The following LIMS2 variants were observed in gnomAD, a reference collection of about 807,000 sequenced individuals.
The protein encoded by LIMS2 is LIM zinc finger domain containing 2.
A neutral mutation model predicts 45.3 loss-of-function variants in LIMS2; 30 were observed. The observed-to-expected ratio is 0.66, with a 90% CI of 0.50 to 0.90. The LOEUF is 0.90. Among genes scored for constraint, LIMS2 ranks in the 40% least tolerant of loss-of-function variants. The probability of loss-of-function intolerance (pLI) is 0.00; values close to 1 mark genes in which losing one functional copy is unlikely to be tolerated. For missense variants in LIMS2, 485 were observed against 468.7 expected (o/e 1.03, Z -0.32); for synonymous variants, 173 against 188.0 (o/e 0.92, Z 0.65).
chr2:127,643,405 T>A, intron 4 of LIMS2: 1 of 475,746 alleles, frequency 2.1e-6, no homozygotes, highest in Non-Finnish European at 4.2e-6. Flanking sequence ...GAAAGCATTA[T>A]TTTCCCAATG....
At position 127,642,263 on chromosome 2, in the gene LIMS2, GC is replaced by G. The variant is rs1232347798; in HGVS notation, c.510-65del. 3 of 1,424,422 alleles carry G rather than the reference GC, an allele frequency of 2.1e-6. No homozygotes were observed. The highest frequency in any genetic ancestry group is 2.8e-6 in the Non-Finnish European group (3 of 1,083,084). 88.2% of individuals were successfully genotyped at this position (1,424,422 alleles called of 1,614,324 possible). ...CCTTCTGCAGGGTCATGCCAGCAGC[GC>G]CTCCACCCCAGGGCACGGCTCCCCG... On this transcript the variant is annotated intron_variant, in intron 5 of 9. Coordinates refer to ENST00000355119, the MANE Select transcript of LIMS2 (RefSeq NM_001161403.3). The surrounding 1 kb of genome is among the most constrained non-coding windows in gnomAD (Gnocchi z 5.3).
chr2:127,656,477 G>A (rs1181090548), intron 2 of LIMS2, among the ~76,000 whole-genome samples: 5 of 149,298 alleles, frequency 3.3e-5, no homozygotes, highest in East Asian at 2.0e-4. Flanking sequence ...GCAATGGCGC[G>A]ATCTCGGCTC....
chr2:127,680,672 A>C (rs1026595311), intron 1 of LIMS2, among the ~76,000 whole-genome samples: 2 of 152,188 alleles, frequency 1.3e-5, no homozygotes, highest in Non-Finnish European at 2.9e-5. Flanking sequence ...AGGGGAACAC[A>C]GTGCCCTTCT....
At chr2:127,669,061 C>G (rs1437134157) in intron 1 of LIMS2, among the ~76,000 whole-genome samples, 2 of 152,120 alleles carry the variant, frequency 1.3e-5, no homozygotes, top group Non-Finnish European at 2.9e-5. Flanking sequence ...CCACTGCACT[C>G]CAGCCTGGGT....
At chr2:127,663,010 C>G (rs941518721) in intron 1 of LIMS2, among the ~76,000 whole-genome samples, 38 of 152,318 alleles carry the variant, frequency 2.5e-4, no homozygotes, top group African/African-American at 8.7e-4. Context: ...TGACAAAGGA[C>G]ATGAACCAGA....
chr2:127,680,931 G>T (rs78257149), intron 1 of LIMS2, among the ~76,000 whole-genome samples: 18,289 of 152,218 alleles, frequency 0.12, 1,283 homozygotes, highest in South Asian at 0.25. Flanking sequence ...TGGGCGCAGA[G>T]CTCCTCACCT....
Position 127,643,053 on chromosome 2 carries a change from G to T in LIMS2, c.379C>A (p.His127Asn). The change falls in exon 5 of 10, where the codon CAC becomes AAC. Residue 127 changes from histidine (H) to asparagine (N), a missense_variant. Transcript: ENST00000355119. Reference protein sequence around the residue: ...NAGRHLCRPCHNREKAKGLGK... With the variant: ...NAGRHLCRPCNNREKAKGLGK... ...AGGCCCTTGGCCTTCTCACGGTTGT[G>T]GCAAGGCCGGCAGAGATGCCTGCGG... The T allele has an allele frequency of 1.3e-6, 2 of 1,582,534 alleles. No individual in the cohort carries two copies. The highest frequency in any genetic ancestry group is 1.7e-6 in the Non-Finnish European group (2 of 1,165,168).
chr2:127,639,197 G>A lies in LIMS2; in HGVS notation c.*84C>T, dbSNP rs1244451360. ...GGGAGGGTAAGATGCGGAGGGCACA[G>A]GTGGATGGGGACGAGGGGGCCAAGC... On this transcript the variant is annotated 3_prime_UTR_variant, in exon 10 of 10. Coordinates refer to ENST00000355119, the MANE Select transcript of LIMS2 (RefSeq NM_001161403.3). 2.8e-6 allele frequency: 4 copies of A among 1,451,028 alleles called. No individual in the cohort carries two copies. Among genetic ancestry groups the A allele is most frequent in the Admixed American group, 1.8e-5 (1 of 54,780 alleles). 89.9% of individuals were successfully genotyped at this position (1,451,028 alleles called of 1,614,324 possible).
chr2:127,647,762 C>G lies in LIMS2; in HGVS notation c.360-4690G>C, dbSNP rs996203288. 2.0e-5 allele frequency among the ~76,000 whole-genome samples: 3 copies of G among 152,104 alleles called. No homozygotes were observed. The highest frequency in any genetic ancestry group is 7.2e-5 in the African/African-American group (3 of 41,404). ...CCTCCCATCTACCATGGGCTGTCCT[C>G]TCTGCTTGCCCATGCGTCTGCCCTG... On this transcript the variant is annotated intron_variant, in intron 4 of 9. Coordinates refer to ENST00000355119, the MANE Select transcript of LIMS2 (RefSeq NM_001161403.3). This position sits in a 1 kb window ranked among gnomAD's most constrained non-coding sequence, Gnocchi z 4.3.
intron 1 of LIMS2, among the ~76,000 whole-genome samples, chr2:127,662,200 C>T (rs1684715579): frequency 6.6e-6 from 1 of 152,174 alleles, no homozygotes; most frequent in African/African-American, 2.4e-5. Flanking sequence ...TCAACTTCCT[C>T]GTTTATAAAA....
Position 127,662,027 on chromosome 2 carries a change from C to T in LIMS2, c.12-4465G>A, listed in dbSNP as rs1007741744. Among the ~76,000 whole-genome samples the T allele has an allele frequency of 2.6e-5, 4 of 152,152 alleles. No individual in the cohort carries two copies. The East Asian group carries it at 7.7e-4, about 29-fold the overall frequency. ...TCTGGGAAGAGTTGGGGGCCAGCCACAAGAAGTCTGGTCACACCCAAGATG... is the reference window on the plus strand; with the variant it reads ...TCTGGGAAGAGTTGGGGGCCAGCCATAAGAAGTCTGGTCACACCCAAGATG... On this transcript the variant is annotated intron_variant, in intron 1 of 9. Transcript: ENST00000355119.
chr2:127,668,758 T>C (rs946530171), intron 1 of LIMS2, among the ~76,000 whole-genome samples: 10 of 140,176 alleles, frequency 7.1e-5, no homozygotes, highest in Non-Finnish European at 1.1e-4. Flanking sequence ...ATTGTAAGTG[T>C]GGCAGTGGTG....
At chr2:127,656,825 G>A (rs1338401438) in intron 2 of LIMS2, among the ~76,000 whole-genome samples, 2 of 152,162 alleles carry the variant, frequency 1.3e-5, no homozygotes, top group African/African-American at 2.4e-5. Context: ...GGCCCGTGGG[G>A]CCAAGCGAGA....
intron 4 of LIMS2, chr2:127,652,012 G>C: frequency 1.9e-6 from 1 of 539,952 alleles, no homozygotes; most frequent in Non-Finnish European, 3.4e-6. Context: ...CTGTGGCAGG[G>C]AGAGAGGAGG....
chr2:127,676,323 C>A (rs3806586), upstream of LIMS2, among the ~76,000 whole-genome samples: 22,552 of 151,968 alleles, frequency 0.15, 1,784 homozygotes, highest in South Asian at 0.23. Flanking sequence ...TGATAGTATC[C>A]TGCAGTTCCA....
At chr2:127,679,299 G>C (rs911331347), upstream of LIMS2, among the ~76,000 whole-genome samples, 1 of 152,160 alleles carries the variant, frequency 6.6e-6, no homozygotes, top group Non-Finnish European at 1.5e-5. The surrounding 1 kb of genome is among the most constrained non-coding windows in gnomAD (Gnocchi z 5.3). Context: ...CTCTGAAAGG[G>C]GGGGCAGAGA....
upstream of LIMS2, among the ~76,000 whole-genome samples, chr2:127,679,315 C>A (rs192235373): frequency 1.3e-5 from 2 of 151,764 alleles, no homozygotes; most frequent in South Asian, 2.1e-4. The surrounding 1 kb of genome is among the most constrained non-coding windows in gnomAD (Gnocchi z 5.3). Context: ...AGAGAAGAGA[C>A]GGCAGTTGGA....
At position 127,642,269 on chromosome 2, in the gene LIMS2, A is replaced by G. The variant is rs548636242; in HGVS notation, c.510-70T>C. ...GCAGGGTCATGCCAGCAGCGCCTCC[A>G]CCCCAGGGCACGGCTCCCCGAGGGG... is the stretch of plus-strand genomic sequence containing the variant. On this transcript the variant is annotated intron_variant, in intron 5 of 9. Transcript: ENST00000355119. The surrounding 1 kb of genome is among the most constrained non-coding windows in gnomAD (Gnocchi z 5.3). 1.9e-3 allele frequency: 2,738 copies of G among 1,404,508 alleles called. 10 individuals are homozygous for G. The highest frequency in any genetic ancestry group is 3.2e-3 in the South Asian group (211 of 65,328). 87.0% of individuals were successfully genotyped at this position (1,404,508 alleles called of 1,614,324 possible).
chr2:127,657,418 C>A lies in LIMS2; in HGVS notation c.156G>T (p.Glu52Asp), dbSNP rs1684332084. 7 of 1,613,894 alleles carry A rather than the reference C, an allele frequency of 4.3e-6. No homozygotes were observed. The East Asian group carries it at 1.6e-4, about 36-fold the overall frequency. ...GTGTCCTCACCTCATAGAAGAGCCCCTCGGGGAAGGGCCGGAAGCACTGGG... is the reference window on the plus strand; with the variant it reads ...GTGTCCTCACCTCATAGAAGAGCCCATCGGGGAAGGGCCGGAAGCACTGGG... ...VCAQCFRPFP[E>D]GLFYEFEGRK... The change falls in exon 2 of 10, where the codon GAG becomes GAT. Residue 52 changes from glutamate (E) to aspartate (D), a missense_variant. Coordinates refer to ENST00000355119, the MANE Select transcript of LIMS2 (RefSeq NM_001161403.3).
Sources: gnomAD v4.1 joint callset for allele counts (sites outside exome capture counted in the v4.1 genomes callset) on GRCh38, gnomAD v4.1.1 for gene constraint, Gnocchi (gnomAD v3.1) non-coding constraint, MANE v1.5 for transcripts, NCBI Gene and HGNC (gene_info 2026-07-23, HGNC 2026-07-21) for gene names.